TBCE: variants seen among roughly 807,000 people sequenced by gnomAD.
TBCE encodes the protein tubulin-specific chaperone E.
Under a neutral mutation model 77.0 loss-of-function variants are expected in TBCE, and 53 were observed. The observed-to-expected ratio is 0.69, with a 90% CI of 0.55 to 0.87. The LOEUF (loss-of-function observed/expected upper bound fraction) is 0.87, where lower values mean the gene tolerates loss of function less well. TBCE is among the 40% of genes least tolerant of loss of function. The pLI, the probability that TBCE is intolerant of heterozygous loss-of-function variation, is 0.00. For missense variants in TBCE, 624 were observed against 622.4 expected, an observed-to-expected ratio of 1.00 and a Z score of -0.03; for synonymous variants, 235 against 241.3, an observed-to-expected ratio of 0.97 and a Z score of 0.24.
Position 235,451,886 on chromosome 1 carries a change from A to G in TBCE, c.*3124A>G, listed in dbSNP as rs1251052430. The G allele has an allele frequency of 6.7e-5, 10 of 150,228 alleles. No homozygotes were observed. In the South Asian group the frequency reaches 1.7e-3, roughly 25 times the overall value. The allele number at this position is 150,228 out of a possible 1,614,324, so 9.3% of individuals were successfully genotyped here. ...TTTCCATTTTGGTCTCTGCAGATTCATTTTTTTTTCTGGTTCAGCAATACT... is the reference window on the plus strand; with the variant it reads ...TTTCCATTTTGGTCTCTGCAGATTCGTTTTTTTTTCTGGTTCAGCAATACT... On this transcript the variant is annotated 3_prime_UTR_variant, in exon 17 of 17. Coordinates refer to ENST00000642610, the MANE Select transcript of TBCE (RefSeq NM_003193.5).
chr1:235,439,048 T>A (rs1681650842), intron 13 of TBCE, 126 bp downstream of exon 13: 1 of 1,351,704 alleles, frequency 7.4e-7, no homozygotes, highest in East Asian at 2.3e-5. Context: ...GCTTCTTGTA[T>A]TCATCTGAAT....
intron 1 of TBCE, among the ~76,000 whole-genome samples, chr1:235,375,250 G>GAGT (rs911809250): frequency 1.4e-4 from 20 of 145,138 alleles, no homozygotes; most frequent in African/African-American, 5.4e-4. Context: ...TTTTAAAGAA[G>GAGT]AATAACAAGA....
chr1:235,442,417 G>A (rs1031660496), intron 14 of TBCE, among the ~76,000 whole-genome samples: 1 of 152,156 alleles, frequency 6.6e-6, no homozygotes, highest in Admixed American at 6.5e-5. Context: ...AGATCCACCC[G>A]CCTCGGCCTC....
intron 2 of TBCE, among the ~76,000 whole-genome samples, chr1:235,397,336 G>A (rs1039300096): frequency 6.6e-6 from 1 of 151,962 alleles, no homozygotes; most frequent in Admixed American, 6.6e-5. Flanking sequence ...CGAGCAGCTG[G>A]GACTACGGGC....
At chr1:235,428,628 A>C (rs1680880417) in intron 6 of TBCE, among the ~76,000 whole-genome samples, 1 of 95,172 alleles carries the variant, frequency 1.1e-5, no homozygotes, top group African/African-American at 4.7e-5. Flanking sequence ...ATCTTTAAGG[A>C]CACTTTATTT....
chr1:235,442,008 A>ATTT (rs376999568), intron 14 of TBCE, 126 bp downstream of exon 14: 48 of 596,316 alleles, frequency 8.0e-5, no homozygotes, highest in Non-Finnish European at 9.8e-5. Context: ...TTAAATGAAA[A>ATTT]TTTTTTTTTT....
chr1:235,380,216 T>C, intron 2 of TBCE, 67 bp downstream of exon 2: 2 of 1,375,694 alleles, frequency 1.5e-6, no homozygotes, highest in Non-Finnish European at 2.0e-6. Flanking sequence ...TGTGTGTGTA[T>C]TTTGCAGCTG....
intron 13 of TBCE, among the ~76,000 whole-genome samples, chr1:235,440,400 A>T (rs533202501): frequency 2.9e-4 from 44 of 151,536 alleles, no homozygotes; most frequent in East Asian, 1.2e-3. Flanking sequence ...GTATATATAT[A>T]TATTTTTTTG....
intron 6 of TBCE, 83 bp downstream of exon 6, chr1:235,427,322 G>C: frequency 9.1e-7 from 1 of 1,097,828 alleles, no homozygotes. Flanking sequence ...GTGGAAAGAG[G>C]TAGGGAGCCG....
In TBCE at chr1:235,387,236, A is replaced by G. The variant is rs541114989; in HGVS notation, c.100+7087A>G. Reference sequence around the variant, plus strand: ...GGGGTGCCTCCCAGTTAGGCTGCTCAGGGGTCAGGGGTCAGGGACCCACTT... The same window carrying G: ...GGGGTGCCTCCCAGTTAGGCTGCTCGGGGGTCAGGGGTCAGGGACCCACTT... On this transcript the variant is annotated intron_variant, in intron 2 of 16. Transcript: ENST00000642610. Among the ~76,000 whole-genome samples the G allele has an allele frequency of 6.0e-3, 916 of 152,210 alleles. 9 individuals are homozygous for G. The highest frequency in any genetic ancestry group is 0.021 in the African/African-American group (882 of 41,534).
chr1:235,435,626 T>C, intron 8 of TBCE, 119 bp from the exon 9 acceptor site: 1 of 941,432 alleles, frequency 1.1e-6, no homozygotes. Context: ...TTTACAGTCA[T>C]ATTTACTTGC....
At chr1:235,376,006 A>G (rs1677269711) in intron 1 of TBCE, among the ~76,000 whole-genome samples, 1 of 152,156 alleles carries the variant, frequency 6.6e-6, no homozygotes, top group African/African-American at 2.4e-5. Flanking sequence ...AGATCACGCC[A>G]TTGCACTCCA....
At chr1:235,418,762 AAGTC>A (rs1300290871) in intron 4 of TBCE, among the ~76,000 whole-genome samples, 1 of 152,226 alleles carries the variant, frequency 6.6e-6, no homozygotes, top group African/African-American at 2.4e-5. Flanking sequence ...GTTGAGGAAA[AAGTC>A]AGGTGCAGAA....
At chr1:235,376,269 C>T (rs999497694) in intron 1 of TBCE, among the ~76,000 whole-genome samples, 1 of 152,136 alleles carries the variant, frequency 6.6e-6, no homozygotes, top group Non-Finnish European at 1.5e-5. Context: ...CTAGTGTCTT[C>T]AATCCTCATT....
chr1:235,405,182 C>T (rs1679344899), intron 3 of TBCE, among the ~76,000 whole-genome samples: 1 of 151,754 alleles, frequency 6.6e-6, no homozygotes, highest in East Asian at 1.9e-4. Context: ...ATTCTGGTCT[C>T]GACCTCCTGA....
chr1:235,396,099 G>A (rs564378659), intron 2 of TBCE, among the ~76,000 whole-genome samples: 3 of 151,222 alleles, frequency 2.0e-5, no homozygotes, highest in Non-Finnish European at 2.9e-5. Context: ...TCGCTTTGCC[G>A]CCCAGGCTGG....
At chr1:235,429,290 C>T (rs1680953450) in intron 6 of TBCE, 1 of 152,118 alleles carries the variant, frequency 6.6e-6, no homozygotes, top group Non-Finnish European at 1.5e-5. Context: ...TGTCCCGCCT[C>T]TTTAAGGACA....
intron 2 of TBCE, among the ~76,000 whole-genome samples, chr1:235,400,351 T>G (rs1388298641): frequency 6.6e-6 from 1 of 152,046 alleles, no homozygotes; most frequent in Non-Finnish European, 1.5e-5. Flanking sequence ...TTCTTTTTCC[T>G]TGAAGACTAC....
intron 3 of TBCE, among the ~76,000 whole-genome samples, chr1:235,402,433 G>A (rs1010037567): frequency 7.2e-5 from 11 of 152,154 alleles, no homozygotes; most frequent in African/African-American, 2.7e-4. Flanking sequence ...CCTGAAAAGG[G>A]TGCTGGGGAG....
Sources: allele counts gnomAD v4.1 joint callset (sites outside exome capture counted in the v4.1 genomes callset), GRCh38; gene constraint gnomAD v4.1.1; transcripts MANE v1.5; gene names NCBI Gene and HGNC (gene_info 2026-07-23, HGNC 2026-07-21).